GLYR1: variants seen among roughly 807,000 people sequenced by gnomAD.
GLYR1 encodes the protein cytokine-like nuclear factor N-PAC.
In GLYR1, 21 loss-of-function variants were observed where a neutral mutation model predicts 72.7. The ratio of observed to expected loss-of-function variants is 0.29; its 90% CI spans 0.20 to 0.42. The LOEUF is 0.42. GLYR1 is among the 10% of genes least tolerant of loss of function. The probability of loss-of-function intolerance (pLI) is 1.00; values close to 1 mark genes in which losing one functional copy is unlikely to be tolerated. For synonymous variants in GLYR1, 392 were observed against 270.2 expected (o/e 1.45, Z -4.42); for missense variants, 594 against 712.1 (o/e 0.83, Z 1.89).
At chr16:4,831,838 G>C in intron 5 of GLYR1, 141 bp downstream of exon 5, 3 of 1,260,434 alleles carry the variant, frequency 2.4e-6, no homozygotes, top group Non-Finnish European at 3.2e-6. Context: ...CTGCCCTGCA[G>C]GATTCTTGAG....
At chr16:4,846,098 G>T in intron 2 of GLYR1, 76 bp downstream of exon 2, 2 of 1,485,050 alleles carry the variant, frequency 1.3e-6, no homozygotes, top group South Asian at 1.1e-5. Context: ...ACTAGAAACT[G>T]AGAGGAATGC....
chr16:4,838,259 G>C (rs2085293077), intron 3 of GLYR1, among the ~76,000 whole-genome samples: 1 of 149,120 alleles, frequency 6.7e-6, no homozygotes, highest in Non-Finnish European at 1.5e-5. Flanking sequence ...TTCTAGAGCA[G>C]CTACTTTCAG....
At chr16:4,836,413 T>C (rs2142027589) in intron 3 of GLYR1, among the ~76,000 whole-genome samples, 1 of 152,350 alleles carries the variant, frequency 6.6e-6, no homozygotes, top group South Asian at 2.1e-4. Context: ...AAGACTTAGA[T>C]GGAGCTATAT....
intron 11 of GLYR1, among the ~76,000 whole-genome samples, chr16:4,814,251 A>G (rs1441884642): frequency 2.0e-5 from 3 of 152,246 alleles, no homozygotes; most frequent in Admixed American, 1.3e-4. Flanking sequence ...CCAAAGGCAC[A>G]TTCAGTTCCA....
intron 3 of GLYR1, among the ~76,000 whole-genome samples, chr16:4,844,407 T>C (rs1244224382): frequency 6.6e-6 from 1 of 152,234 alleles, no homozygotes; most frequent in Non-Finnish European, 1.5e-5. Flanking sequence ...AATAAAAGTT[T>C]CCACTGTATA....
chr16:4,831,942 C>T (rs1309660809), intron 5 of GLYR1, 37 bp downstream of exon 5: 8 of 1,600,152 alleles, frequency 5.0e-6, no homozygotes, highest in African/African-American at 1.3e-5. Flanking sequence ...ACTAAAAGGA[C>T]ATCACTAATC....
chr16:4,843,586 A>G, intron 3 of GLYR1: 1 of 1,289,160 alleles, frequency 7.8e-7, no homozygotes, highest in East Asian at 5.5e-5. Context: ...GTGATAGAGA[A>G]ATGGGGCTGG....
intron 15 of GLYR1, among the ~76,000 whole-genome samples, chr16:4,807,859 G>T (rs942828340): frequency 1.3e-5 from 2 of 152,156 alleles, no homozygotes; most frequent in African/African-American, 4.8e-5. Context: ...TGAACAGGGG[G>T]GACTTGAAAT....
chr16:4,824,192 T>C (rs944638016), intron 5 of GLYR1, among the ~76,000 whole-genome samples: 6 of 152,102 alleles, frequency 3.9e-5, no homozygotes, highest in African/African-American at 1.4e-4. Flanking sequence ...TCAGAGTAAA[T>C]GCCTTATGGT....
At position 4,811,233 on chromosome 16, in the gene GLYR1, G is replaced by A; in HGVS notation, c.1524C>T (p.Arg508=). ...CCGCATCACCCAGCGCAATGGCTAA[G>A]CGGAGATCCTTCTGAATGTATTTCA... ...FYLKYIQKDL[R]LAIALGDAVN... The change falls in exon 15 of 16, where the codon CGC becomes CGT. Residue 508 remains arginine, a synonymous_variant. Transcript: ENST00000321919. 6.2e-7 allele frequency: 1 copy of A among 1,614,202 alleles called. No individual in the cohort carries two copies. The highest frequency in any genetic ancestry group is 8.5e-7 in the Non-Finnish European group (1 of 1,180,040).
chr16:4,824,226 T>C (rs975946069), intron 5 of GLYR1, among the ~76,000 whole-genome samples: 1 of 152,018 alleles, frequency 6.6e-6, no homozygotes, highest in Non-Finnish European at 1.5e-5. Context: ...TAAGAAACAG[T>C]TGTGGTGGCT....
intron 2 of GLYR1, 63 bp from the exon 3 acceptor site, chr16:4,845,216 C>T: frequency 4.7e-6 from 5 of 1,067,114 alleles, no homozygotes; most frequent in Non-Finnish European, 7.3e-6. Flanking sequence ...TCTAGTGGCT[C>T]CACATTGCTC....
At chr16:4,830,431 C>T (rs150989145) in intron 5 of GLYR1, among the ~76,000 whole-genome samples, 14 of 152,238 alleles carry the variant, frequency 9.2e-5, no homozygotes, top group Non-Finnish European at 2.1e-4. Context: ...CAGAGCATGA[C>T]CTCCCCAGAC....
chr16:4,845,904 A>C (rs983672398), intron 2 of GLYR1, among the ~76,000 whole-genome samples: 2 of 152,272 alleles, frequency 1.3e-5, no homozygotes, highest in Admixed American at 1.3e-4. Context: ...CATAAAGCTA[A>C]ATTCAGACTA....
chr16:4,816,745 G>C (rs900904981), intron 10 of GLYR1, among the ~76,000 whole-genome samples: 2 of 152,156 alleles, frequency 1.3e-5, no homozygotes, highest in Non-Finnish European at 2.9e-5. Flanking sequence ...CAGTATTTTG[G>C]GAGGCCAAGG....
chr16:4,834,164 G>C (rs928795524), intron 3 of GLYR1, among the ~76,000 whole-genome samples: 3 of 152,176 alleles, frequency 2.0e-5, no homozygotes, highest in African/African-American at 7.2e-5. Flanking sequence ...ACAGACCTGG[G>C]ATCATCGGCC....
chr16:4,811,165 C>G lies in GLYR1; in HGVS notation c.1587+5G>C, dbSNP rs371996806. 1.7e-4 allele frequency: 277 copies of G among 1,613,388 alleles called. No individual in the cohort carries two copies. The highest frequency in any genetic ancestry group is 2.2e-4 in the Non-Finnish European group (263 of 1,179,956). On this transcript the variant is annotated splice_donor_5th_base_variant and intron_variant, in intron 15 of 15. Transcript: ENST00000321919. ...GCCTTGGGGCTTGGGCCACATCTAC[C>G]CTACCTCATTTGCTGCAGCTGCCAT...
chr16:4,818,275 G>A (rs928536219), intron 9 of GLYR1, among the ~76,000 whole-genome samples: 1 of 152,092 alleles, frequency 6.6e-6, no homozygotes, highest in Non-Finnish European at 1.5e-5. Context: ...TTACAGGCGT[G>A]AGCCACCATG....
intron 11 of GLYR1, 65 bp from the exon 12 acceptor site, chr16:4,813,903 A>T: frequency 8.1e-7 from 1 of 1,239,926 alleles, no homozygotes; most frequent in Non-Finnish European, 1.1e-6. Flanking sequence ...AGCCCTACAG[A>T]CCTCAGATCA....
Sources: gnomAD v4.1 joint callset for allele counts (sites outside exome capture counted in the v4.1 genomes callset) on GRCh38, gnomAD v4.1.1 for gene constraint, MANE v1.5 for transcripts, NCBI Gene and HGNC (gene_info 2026-07-23, HGNC 2026-07-21) for gene names.